The following DNAH11 variants were observed in gnomAD, a reference collection of about 807,000 sequenced individuals.
DNAH11 encodes the protein axonemal beta dynein heavy chain 11.
A neutral mutation model predicts 526.0 loss-of-function variants in DNAH11; 442 were observed. The ratio of observed to expected loss-of-function variants is 0.84; its 90% CI spans 0.78 to 0.91. The LOEUF is 0.91. Ranked by LOEUF, DNAH11 falls within the 40% of genes least tolerant of loss-of-function variation. The pLI is 0.00. For synonymous variants in DNAH11, 2,461 were observed against 1,935.9 expected, an observed-to-expected ratio of 1.27 and a Z score of -7.12; for missense variants, 6,989 against 5,448.7, an observed-to-expected ratio of 1.28 and a Z score of -8.90.
intron 61 of DNAH11, among the ~76,000 whole-genome samples, chr7:21,793,238 T>C (rs1459026972): frequency 2.0e-5 from 3 of 152,206 alleles, no homozygotes; most frequent in Admixed American, 6.5e-5. Flanking sequence ...GTACTTGATA[T>C]GATTTTTACT....
chr7:21,690,677 A>ATTT, intron 34 of DNAH11, 88 bp from the exon 35 acceptor site: 4 of 922,682 alleles, frequency 4.3e-6, no homozygotes, highest in Non-Finnish European at 6.8e-6. Context: ...CTTCCTAATA[A>ATTT]TTTGCATTTT....
At chr7:21,848,833 G>A (rs1782517786) in intron 66 of DNAH11, among the ~76,000 whole-genome samples, 1 of 151,622 alleles carries the variant, frequency 6.6e-6, no homozygotes, top group Non-Finnish European at 1.5e-5. Context: ...AATTTTTTTA[G>A]TGGTTACCTT....
chr7:21,867,767 T>C, intron 71 of DNAH11, 92 bp from the exon 72 acceptor site: 2 of 1,198,784 alleles, frequency 1.7e-6, no homozygotes, highest in Non-Finnish European at 2.4e-6. Context: ...GTTACTTCTA[T>C]CGTGTGCCTG....
At chr7:21,877,725 A>G (rs1214310509) in intron 74 of DNAH11, among the ~76,000 whole-genome samples, 1 of 151,918 alleles carries the variant, frequency 6.6e-6, no homozygotes, top group Admixed American at 6.6e-5. Flanking sequence ...AATACAAAAA[A>G]TTAGCCAGGC....
At chr7:21,664,984 T>C (rs376794952) in intron 30 of DNAH11, among the ~76,000 whole-genome samples, 12 of 152,230 alleles carry the variant, frequency 7.9e-5, no homozygotes, top group East Asian at 1.9e-4. Flanking sequence ...CCAAATTCTT[T>C]GAGCTGCCAT....
chr7:21,564,447 G>T (rs760267725), intron 6 of DNAH11, 50 bp downstream of exon 6: 1 of 1,396,978 alleles, frequency 7.2e-7, no homozygotes, highest in East Asian at 2.3e-5. Context: ...CTGTGAGGTA[G>T]GTTTTACGAG....
intron 74 of DNAH11, among the ~76,000 whole-genome samples, chr7:21,876,408 G>T (rs983539749): frequency 3.9e-5 from 6 of 152,214 alleles, no homozygotes; most frequent in African/African-American, 1.4e-4. Flanking sequence ...AAAACAAAAT[G>T]CAGTTTTTAA....
intron 46 of DNAH11, among the ~76,000 whole-genome samples, chr7:21,737,758 G>A (rs1242039662): frequency 6.6e-6 from 1 of 152,160 alleles, no homozygotes. Context: ...CCCTAAGCAG[G>A]ACCACAAAGG....
intron 61 of DNAH11, among the ~76,000 whole-genome samples, chr7:21,799,789 A>C (rs1788888226): frequency 1.3e-5 from 2 of 152,248 alleles, no homozygotes; most frequent in Admixed American, 6.5e-5. Flanking sequence ...ATGGTGAAAT[A>C]ACTGGGTCAT....
In DNAH11 at chr7:21,888,630, C is replaced by T. The variant is rs147137488; in HGVS notation, c.12508-3795C>T. 3.2e-3 allele frequency among the ~76,000 whole-genome samples: 486 copies of T among 152,198 alleles called. 1 individual carries two copies. Among genetic ancestry groups the T allele is most frequent in the Non-Finnish European group, 5.3e-3 (363 of 68,008 alleles). The stretch of plus-strand genomic sequence containing the variant: ...TCAGCCTCCTGAGTAGCTGGGATTA[C>T]AGGCATGTGCCACCACGCTGGGCTA... On this transcript the variant is annotated intron_variant, in intron 76 of 81. Transcript: ENST00000409508.
At chr7:21,677,836 G>A (rs1374200845) in intron 30 of DNAH11, among the ~76,000 whole-genome samples, 2 of 152,178 alleles carry the variant, frequency 1.3e-5, no homozygotes, top group Non-Finnish European at 2.9e-5. Flanking sequence ...GTGATTTTGA[G>A]CATCTTTTCA....
At position 21,749,718 on chromosome 7, in the gene DNAH11, A is replaced by G; in HGVS notation, c.8714A>G (p.Asn2905Ser). 5 of 1,614,026 alleles carry G rather than the reference A, an allele frequency of 3.1e-6. No individual in the cohort carries two copies. The highest frequency in any genetic ancestry group is 4.2e-6 in the Non-Finnish European group (5 of 1,179,868). ...TTGTACATCCGAACTGGAGCCAAGA[A>G]CATGCCCACTGTGTTCCTGCTGACA... ...ANLYIRTGAK[N>S]MPTVFLLTDA... Residue 2905 changes from asparagine (N) to serine (S), a missense_variant, in exon 53 of 82, where the codon AAC (asparagine) becomes AGC (serine). By Grantham distance (46) the Asn-to-Ser change is conservative (BLOSUM62 1). Transcript: ENST00000409508.
intron 23 of DNAH11, chr7:21,618,597 A>G (rs1785895594): frequency 6.2e-6 from 1 of 160,306 alleles, no homozygotes; most frequent in Non-Finnish European, 1.3e-5. Context: ...TTCACATGGT[A>G]AATATGAATA....
At chr7:21,699,786 T>C (rs1783986846) in intron 36 of DNAH11, among the ~76,000 whole-genome samples, 1 of 152,118 alleles carries the variant, frequency 6.6e-6, no homozygotes. Flanking sequence ...GTTTCAACTA[T>C]ATCTATTTTC....
chr7:21,579,249 T>G (rs1784220305), intron 8 of DNAH11, among the ~76,000 whole-genome samples: 1 of 152,230 alleles, frequency 6.6e-6, no homozygotes. Flanking sequence ...TATAATGATT[T>G]CTGAACAATA....
chr7:21,766,567 C>A (rs1376611058), intron 55 of DNAH11, among the ~76,000 whole-genome samples: 5 of 152,212 alleles, frequency 3.3e-5, no homozygotes, highest in African/African-American at 1.2e-4. Flanking sequence ...ATAACTGCCA[C>A]CTTTCCAAAG....
chr7:21,883,201 C>T (rs1266125714), intron 75 of DNAH11, among the ~76,000 whole-genome samples: 2 of 152,206 alleles, frequency 1.3e-5, no homozygotes, highest in Admixed American at 6.5e-5. Flanking sequence ...TGTCACATCA[C>T]GCAACAAGCG....
intron 45 of DNAH11, among the ~76,000 whole-genome samples, chr7:21,730,271 A>G (rs1022320913): frequency 3.3e-5 from 5 of 152,240 alleles, no homozygotes; most frequent in African/African-American, 1.2e-4. Context: ...TGAGGTTCAT[A>G]CACACAATGG....
intron 6 of DNAH11, among the ~76,000 whole-genome samples, chr7:21,566,324 G>A (rs896039077): frequency 1.3e-5 from 2 of 151,986 alleles, no homozygotes; most frequent in African/African-American, 4.8e-5. Context: ...TCATTGACCC[G>A]ATTCCTTTGA....
Sources: gnomAD v4.1 joint callset for allele counts (sites outside exome capture counted in the v4.1 genomes callset) on GRCh38, gnomAD v4.1.1 for gene constraint, MANE v1.5 for transcripts, NCBI Gene and HGNC (gene_info 2026-07-23, HGNC 2026-07-21) for gene names.